The following RPP40 variants were observed in gnomAD, a reference collection of about 807,000 sequenced individuals.
The protein encoded by RPP40 is ribonuclease P/MRP subunit p40, also known as ribonuclease P protein subunit p40.
In RPP40, 30 loss-of-function variants were observed where a neutral mutation model predicts 42.5. That is an observed-to-expected ratio of 0.71 (90% confidence interval 0.53 to 0.96). RPP40 has a LOEUF of 0.96. RPP40 is among the 40% of genes least tolerant of loss of function. The pLI is 0.00. For synonymous variants in RPP40, 173 were observed against 164.0 expected (o/e 1.05, Z -0.42); for missense variants, 426 against 433.5 (o/e 0.98, Z 0.15).
chr6:4,996,193 T>G (rs777019545), intron 6 of RPP40, 29 bp downstream of exon 6: 19 of 1,610,892 alleles, frequency 1.2e-5, no homozygotes, highest in Non-Finnish European at 1.6e-5. Flanking sequence ...GCCAGAGCCC[T>G]GGAAGACACA....
chr6:5,001,963 G>A, intron 2 of RPP40, 138 bp downstream of exon 2: 1 of 688,744 alleles, frequency 1.5e-6, no homozygotes, highest in Non-Finnish European at 2.4e-6. Flanking sequence ...GAATGCGGGG[G>A]AGAACGCGTG....
At chr6:5,001,885 T>A (rs1475253023) in intron 2 of RPP40, 2 of 482,646 alleles carry the variant, frequency 4.1e-6, no homozygotes, top group Non-Finnish European at 7.4e-6. Flanking sequence ...AACATCCCCA[T>A]CCAACACTTG....
chr6:5,004,033 C>T lies in RPP40; in HGVS notation c.-31G>A, dbSNP rs964392966. ...CCTGGGTTCCTGGTCCTCCCGGCCT[C>T]CGCTGGCGGGGCACGCCCCGCCCCT... is the stretch of plus-strand genomic sequence containing the variant. On this transcript the variant is annotated 5_prime_UTR_variant, in exon 1 of 8. Transcript: ENST00000380051. The T allele has an allele frequency of 2.5e-6, 4 of 1,568,888 alleles. No individual in the cohort carries two copies. The highest frequency in any genetic ancestry group is 2.3e-5 in the East Asian group (1 of 43,728).
Position 4,995,259 on chromosome 6 carries a change from G to T in RPP40, c.911C>A (p.Pro304Gln). 1 of 1,612,794 alleles carries T rather than the reference G, an allele frequency of 6.2e-7. No homozygotes were observed. Among genetic ancestry groups the T allele is most frequent in the South Asian group, 1.1e-5 (1 of 90,884 alleles). ...LEHLCHYFDEPKLAPWVTLSV... is the reference protein window; with the variant it reads ...LEHLCHYFDEQKLAPWVTLSV... ...CAGTGTAACCCATGGAGCTAACTTC[G>T]GTTCATCAAAGTAGTGACTGAAAAA... Residue 304 changes from proline (P) to glutamine (Q), a missense_variant, in exon 8 of 8, where the codon CCG (proline) becomes CAG (glutamine). Pro to Gln is a moderately conservative substitution (Grantham distance 76). Transcript: ENST00000380051.
At chr6:5,000,923 C>A (rs566037220) in intron 2 of RPP40, among the ~76,000 whole-genome samples, 1 of 151,046 alleles carries the variant, frequency 6.6e-6, no homozygotes, top group South Asian at 2.1e-4. Context: ...TGCAGAAGAC[C>A]AAGCATGCAG....
downstream of RPP40, among the ~76,000 whole-genome samples, chr6:4,993,188 T>A (rs1057464439): frequency 2.0e-5 from 3 of 152,244 alleles, no homozygotes; most frequent in Non-Finnish European, 4.4e-5. Context: ...AGGACATCCT[T>A]TAACTTTTCT....
At chr6:4,998,944 A>T (rs1759463198) in intron 4 of RPP40, 103 bp from the exon 5 acceptor site, 2 of 730,618 alleles carry the variant, frequency 2.7e-6, no homozygotes, top group African/African-American at 3.7e-5. Context: ...GGGAAATTTT[A>T]TGGATAGTAA....
chr6:4,995,368 G>T, intron 7 of RPP40, 92 bp from the exon 8 acceptor site: 1 of 871,740 alleles, frequency 1.1e-6, no homozygotes, highest in Non-Finnish European at 1.8e-6. Context: ...TAGTATTTCT[G>T]ATATTCTAAT....
intron 5 of RPP40, among the ~76,000 whole-genome samples, chr6:4,997,042 A>C (rs1238484199): frequency 6.6e-6 from 1 of 152,100 alleles, no homozygotes; most frequent in Non-Finnish European, 1.5e-5. Context: ...GAGTTCTTAA[A>C]CTCCAGGTTC....
At chr6:4,999,507 C>A (rs1263258535) in intron 4 of RPP40, among the ~76,000 whole-genome samples, 3 of 152,012 alleles carry the variant, frequency 2.0e-5, no homozygotes, top group Non-Finnish European at 4.4e-5. Flanking sequence ...CCATGTTGGT[C>A]ACAATGGTCT....
intron 4 of RPP40, 59 bp downstream of exon 4, chr6:4,999,750 A>T: frequency 3.0e-6 from 3 of 986,796 alleles, no homozygotes; most frequent in Non-Finnish European, 4.7e-6. Context: ...CAATTCAAAC[A>T]TTTAAATTTA....
intron 2 of RPP40, 130 bp downstream of exon 2, chr6:5,001,971 G>C: frequency 1.3e-6 from 1 of 745,214 alleles, no homozygotes; most frequent in Non-Finnish European, 2.2e-6. Context: ...GGGAGAACGC[G>C]TGTGCACCTG....
intron 2 of RPP40, 165 bp downstream of exon 2, chr6:5,001,936 A>C: frequency 1.6e-6 from 1 of 617,776 alleles, no homozygotes; most frequent in Admixed American, 2.7e-5. Context: ...AAGAGGGTAC[A>C]AGAAAGAACA....
chr6:4,993,746 A>G (rs1043161188), downstream of RPP40, among the ~76,000 whole-genome samples: 19 of 152,314 alleles, frequency 1.2e-4, no homozygotes, highest in Middle Eastern at 6.8e-3. Context: ...GTGGTTATAT[A>G]TAGGCTCTCA....
intron 1 of RPP40, among the ~76,000 whole-genome samples, chr6:5,002,646 C>A (rs1224656370): frequency 2.0e-5 from 3 of 152,162 alleles, no homozygotes; most frequent in African/African-American, 7.2e-5. Context: ...ATGAAACAAA[C>A]TATCTGTCGG....
At chr6:5,002,671 A>C (rs74442496) in intron 1 of RPP40, among the ~76,000 whole-genome samples, 3,650 of 152,316 alleles carry the variant, frequency 0.024, 144 homozygotes, top group African/African-American at 0.084. Flanking sequence ...TAAGGAATTA[A>C]TTTATGGACA....
chr6:4,997,985 C>G (rs1371691986), intron 5 of RPP40, among the ~76,000 whole-genome samples: 1 of 152,222 alleles, frequency 6.6e-6, no homozygotes, highest in East Asian at 1.9e-4. Context: ...TCTTTTCTAT[C>G]TACCATATAT....
chr6:4,991,047 A>G (rs1759252902), downstream of RPP40, among the ~76,000 whole-genome samples: 1 of 151,862 alleles, frequency 6.6e-6, no homozygotes, highest in African/African-American at 2.4e-5. Flanking sequence ...TTTCCCTGAT[A>G]TATGTACCTG....
downstream of RPP40, among the ~76,000 whole-genome samples, chr6:4,991,092 C>A (rs1402005589): frequency 6.6e-6 from 1 of 152,078 alleles, no homozygotes; most frequent in South Asian, 2.1e-4. Context: ...AATTTCCCCC[C>A]CAAACTCCCC....
Sources: gnomAD v4.1 joint callset for allele counts (sites outside exome capture counted in the v4.1 genomes callset) on GRCh38, gnomAD v4.1.1 for gene constraint, MANE v1.5 for transcripts, NCBI Gene and HGNC (gene_info 2026-07-23, HGNC 2026-07-21) for gene names.